IL17RD: variants seen among roughly 807,000 people sequenced by gnomAD.
IL17RD encodes interleukin 17 receptor D.
IL17RD carries 52 observed loss-of-function variants against 80.5 expected under a neutral mutation model. The ratio of observed to expected loss-of-function variants is 0.65; its 90% CI spans 0.52 to 0.81. The LOEUF (loss-of-function observed/expected upper bound fraction) is 0.81, where lower values mean the gene tolerates loss of function less well. Among genes scored for constraint, IL17RD ranks in the 40% least tolerant of loss-of-function variants. The probability of loss-of-function intolerance (pLI) is 0.00; values close to 1 mark genes in which losing one functional copy is unlikely to be tolerated. For missense variants in IL17RD, 1,024 were observed against 955.1 expected (o/e 1.07, Z -0.95); for synonymous variants, 416 against 391.8 (o/e 1.06, Z -0.73).
intron 2 of IL17RD, among the ~76,000 whole-genome samples, chr3:57,115,828 C>A (rs1409207421): frequency 1.3e-5 from 2 of 152,304 alleles, no homozygotes; most frequent in Non-Finnish European, 2.9e-5. Flanking sequence ...CTGTCCATTA[C>A]CCCTCTGAAG....
chr3:57,120,364 C>T lies in IL17RD; in HGVS notation c.127-51G>A, dbSNP rs1315168435. ...GCAGAGTGAAGCCAATTTGCTCTTCCAACACAAAGCCCCATGGAGTCCAAA... is the reference window on the plus strand; with the variant it reads ...GCAGAGTGAAGCCAATTTGCTCTTCTAACACAAAGCCCCATGGAGTCCAAA... On this transcript the variant is annotated intron_variant, in intron 1 of 12. Transcript: ENST00000296318. 4.4e-6 allele frequency: 6 copies of T among 1,350,592 alleles called. No homozygotes were observed. The East Asian group carries it at 1.1e-4, about 26-fold the overall frequency. 83.7% of individuals were successfully genotyped at this position (1,350,592 alleles called of 1,614,324 possible). A position where few individuals can be genotyped will look rare whatever the true frequency, so the allele number is the denominator to read the frequency against.
intron 1 of IL17RD, among the ~76,000 whole-genome samples, chr3:57,142,733 T>C (rs975741744): frequency 2.0e-5 from 3 of 151,986 alleles, no homozygotes; most frequent in Non-Finnish European, 4.4e-5. Context: ...AGGCCAAAAA[T>C]TCTCAACTGA....
chr3:57,150,974 GCATGGCCAACA>G (rs1391044858), intron 1 of IL17RD, among the ~76,000 whole-genome samples: 30 of 152,308 alleles, frequency 2.0e-4, no homozygotes, highest in African/African-American at 6.7e-4. Flanking sequence ...CAAAGAAAAG[GCATGGCCAACA>G]CAAGAAATGC....
At position 57,097,652 on chromosome 3, in the gene IL17RD, G is replaced by A. The variant is rs1382761196; in HGVS notation, c.2051C>T (p.Thr684Met). The A allele has an allele frequency of 4.6e-5, 74 of 1,599,996 alleles. No individual in the cohort carries two copies. The Middle Eastern group carries it at 9.9e-4, about 21-fold the overall frequency. Residue 684 changes from threonine (T) to methionine (M), a missense_variant, in exon 12 of 13, where the codon ACG (threonine) becomes ATG (methionine). Thr to Met is a moderately conservative substitution (Grantham distance 81). Coordinates refer to ENST00000296318, the MANE Select transcript of IL17RD (RefSeq NM_017563.5). ...LSLPLMEGLS[T>M]DQTETSSLTE... ...CAGGGAAGACGTTTCTGTCTGGTCCGTCGAGAGTCCTTCCATCAGTGGCAG... is the reference window on the plus strand; with the variant it reads ...CAGGGAAGACGTTTCTGTCTGGTCCATCGAGAGTCCTTCCATCAGTGGCAG...
At chr3:57,138,152 G>A (rs1398017274) in intron 1 of IL17RD, among the ~76,000 whole-genome samples, 1 of 152,148 alleles carries the variant, frequency 6.6e-6, no homozygotes, top group African/African-American at 2.4e-5. Flanking sequence ...CATTTAGGAA[G>A]GTGAAAAAGT....
rs1206745556 is a variant in IL17RD at position 57,093,634 on chromosome 3, C to G, written c.*2759G>C. On this transcript the variant is annotated 3_prime_UTR_variant, in exon 13 of 13. Transcript: ENST00000296318. Reference sequence around the variant, plus strand: ...GGGCCTGGACTGGAATGACTTCTGACTCTTTCTGGAGATCAATTGCCTCAA... The same window carrying G: ...GGGCCTGGACTGGAATGACTTCTGAGTCTTTCTGGAGATCAATTGCCTCAA... 1 of 152,238 alleles carries G rather than the reference C, an allele frequency of 6.6e-6. No individual in the cohort carries two copies. The highest frequency in any genetic ancestry group is 1.5e-5 in the Non-Finnish European group (1 of 68,066). The allele number at this position is 152,238 out of a possible 1,614,324, so 9.4% of individuals were successfully genotyped here.
At chr3:57,129,500 G>A (rs373911560) in intron 1 of IL17RD, among the ~76,000 whole-genome samples, 24 of 152,216 alleles carry the variant, frequency 1.6e-4, no homozygotes, top group Non-Finnish European at 2.5e-4. Flanking sequence ...CACTGTTTCC[G>A]AGGCACAGGG....
rs1220478290 is a variant in IL17RD at position 57,109,558 on chromosome 3, G to C, written c.529C>G (p.Pro177Ala). 1 of 1,613,632 alleles carries C rather than the reference G, an allele frequency of 6.2e-7. No homozygotes were observed. The highest frequency in any genetic ancestry group is 2.2e-5 in the East Asian group (1 of 44,888). ...TCACCTCGGGTTCTAAAGAAGAAAG[G>C]GTGGTAATTGCTTTCGTTTTTAATG... ...PSIKNESNYH[P>A]FFFRTRACDL... is the part of the protein sequence containing the mutation. Residue 177 changes from proline (P) to alanine (A), a missense_variant, in exon 5 of 13, where the codon CCT becomes GCT. Coordinates refer to ENST00000296318, the MANE Select transcript of IL17RD (RefSeq NM_017563.5).
rs1359547758 is a variant in IL17RD at position 57,165,228 on chromosome 3, C to T, written c.59G>A (p.Gly20Asp). 7 of 1,531,468 alleles carry T rather than the reference C, an allele frequency of 4.6e-6. No homozygotes were observed. In the African/African-American group the frequency reaches 1.0e-4, roughly 22 times the overall value. 94.9% of individuals were successfully genotyped at this position (1,531,468 alleles called of 1,614,324 possible). The change falls in exon 1 of 13, where the codon GGC (glycine) becomes GAC (aspartate). Residue 20 changes from glycine (G) to aspartate (D), a missense_variant. Physicochemically the swap from Gly to Asp is moderately conservative, Grantham distance 94 (BLOSUM62 -1). Transcript: ENST00000296318. ...GCCAGCGGCCACAGCCAGCTGCGAG[C>T]CGTTGAGGCAGGCGTTGACCGTAAA... ...VFFTVNACLN[G>D]SQLAVAAGGS...
At chr3:57,112,676 A>G (rs1000388440) in intron 3 of IL17RD, among the ~76,000 whole-genome samples, 12 of 152,210 alleles carry the variant, frequency 7.9e-5, no homozygotes, top group Non-Finnish European at 1.6e-4. Flanking sequence ...TGTTAAGATA[A>G]TATTATTTTT....
At chr3:57,165,403 C>A (rs1434500329), upstream of IL17RD, 28 of 847,522 alleles carry the variant, frequency 3.3e-5, no homozygotes, top group South Asian at 5.7e-5. Flanking sequence ...CCGCACTGGG[C>A]ATGCGTTGCC....
chr3:57,096,296 A>C lies in IL17RD; in HGVS notation c.*97T>G, dbSNP rs1706669250. 2 of 812,884 alleles carry C rather than the reference A, an allele frequency of 2.5e-6. No individual in the cohort carries two copies. Among genetic ancestry groups the C allele is most frequent in the Admixed American group, 3.5e-5 (2 of 57,138 alleles). The allele number at this position is 812,884 out of a possible 1,614,324, so 50.4% of individuals were successfully genotyped here. A position where few individuals can be genotyped will look rare whatever the true frequency, so the allele number is the denominator to read the frequency against. On this transcript the variant is annotated 3_prime_UTR_variant, in exon 13 of 13. Transcript: ENST00000296318. ...TTCACTCCAAATATCCTTGTATGAG[A>C]CCTCAGCTCCAAGTGGGCCATGCAA... is the stretch of plus-strand genomic sequence containing the variant.
Position 57,097,686 on chromosome 3 carries a change from C to A in IL17RD, c.2017G>T (p.Glu673Ter). ...CCTTCCATCAGTGGCAGAGACAGCT[C>A]GGATGAGGGCACAGACGAGTCATAG... Reference protein sequence around the residue: ...GIYDSSVPSSELSLPLMEGLS... With the variant: ...GIYDSSVPSS The change falls in exon 12 of 13, where the codon GAG becomes TAG. Residue 673 changes from glutamate to a stop codon, truncating the protein, a stop_gained. Transcript: ENST00000296318. LOFTEE classifies it high-confidence loss of function. The A allele has an allele frequency of 6.2e-7, 1 of 1,605,588 alleles. No individual in the cohort carries two copies. Among genetic ancestry groups the A allele is most frequent in the Non-Finnish European group, 8.5e-7 (1 of 1,176,400 alleles).
At position 57,101,341 on chromosome 3, in the gene IL17RD, A is replaced by G; in HGVS notation, c.1002T>C (p.Asp334=). ...ATGTGGAAGACTCAGAGCTCTCTTCATCTAAATGTGAATATATATTTTCTA... is the reference window on the plus strand; with the variant it reads ...ATGTGGAAGACTCAGAGCTCTCTTCGTCTAAATGTGAATATATATTTTCTA... ...KQQENIYSHL[D]EESSESSTYT... The change falls in exon 11 of 13, where the codon GAT becomes GAC. Residue 334 remains aspartate (D), a synonymous_variant. Coordinates refer to ENST00000296318, the MANE Select transcript of IL17RD (RefSeq NM_017563.5). 1 of 1,607,044 alleles carries G rather than the reference A, an allele frequency of 6.2e-7. No homozygotes were observed.
intron 1 of IL17RD, among the ~76,000 whole-genome samples, chr3:57,127,325 TAA>T (rs1376746459): frequency 2.3e-5 from 2 of 86,060 alleles, no homozygotes; most frequent in Non-Finnish European, 4.2e-5. Context: ...AAAATATATA[TAA>T]ATATATATAA....
At chr3:57,111,623 G>A (rs1260743281) in intron 3 of IL17RD, among the ~76,000 whole-genome samples, 2 of 152,088 alleles carry the variant, frequency 1.3e-5, no homozygotes, top group Non-Finnish European at 2.9e-5. Context: ...ACTAGTTAAC[G>A]AAAGCCAAGT....
At chr3:57,166,234 C>T (rs1242117174), upstream of IL17RD, among the ~76,000 whole-genome samples, 1 of 152,184 alleles carries the variant, frequency 6.6e-6, no homozygotes, top group African/African-American at 2.4e-5. Flanking sequence ...CTCTCCACTA[C>T]CCCCTTCCTC....
Position 57,098,186 on chromosome 3 carries a change from T to C in IL17RD, c.1517A>G (p.Gln506Arg). 1.2e-6 allele frequency: 2 copies of C among 1,613,924 alleles called. No homozygotes were observed. Among genetic ancestry groups the C allele is most frequent in the Non-Finnish European group, 1.7e-6 (2 of 1,179,848 alleles). Residue 506 changes from glutamine (Q) to arginine (R), a missense_variant, in exon 12 of 13, where the codon CAG (glutamine) becomes CGG (arginine). Coordinates refer to ENST00000296318, the MANE Select transcript of IL17RD (RefSeq NM_017563.5). ...TCGGGAGTGCAAGTGGGAACAGAGCTGAGGAAGATTGTCCATGAGTCTGTA... is the reference window on the plus strand; with the variant it reads ...TCGGGAGTGCAAGTGGGAACAGAGCCGAGGAAGATTGTCCATGAGTCTGTA... Reference protein sequence around the residue: ...TKYRLMDNLPQLCSHLHSRDH... With the variant: ...TKYRLMDNLPRLCSHLHSRDH...
In IL17RD at chr3:57,098,041, G is replaced by T. The variant is rs1164515270; in HGVS notation, c.1662C>A (p.Asp554Glu). Reference sequence around the variant, plus strand: ...GCTTTTCGAACCAGTCGGGCTCCTCGTCAATAAACTGGTGCATGTTGCAAA... The same window carrying T: ...GCTTTTCGAACCAGTCGGGCTCCTCTTCAATAAACTGGTGCATGTTGCAAA... ...VAICNMHQFIDEEPDWFEKQF... is the reference protein window; with the variant it reads ...VAICNMHQFIEEEPDWFEKQF... The change falls in exon 12 of 13, where the codon GAC (aspartate) becomes GAA (glutamate). Residue 554 changes from aspartate to glutamate, a missense_variant. By Grantham distance (45) the Asp-to-Glu change is conservative. Transcript: ENST00000296318. 2 of 1,613,870 alleles carry T rather than the reference G, an allele frequency of 1.2e-6. No homozygotes were observed. The highest frequency in any genetic ancestry group is 1.7e-5 in the Admixed American group (1 of 60,000).
Sources: gnomAD v4.1 joint callset for allele counts (sites outside exome capture counted in the v4.1 genomes callset) on GRCh38, gnomAD v4.1.1 for gene constraint, MANE v1.5 for transcripts, NCBI Gene and HGNC (gene_info 2026-07-23, HGNC 2026-07-21) for gene names.